The following ARHGAP24 variants were observed in gnomAD, a reference collection of about 807,000 sequenced individuals.
ARHGAP24 encodes rho GTPase-activating protein 24.
Under a neutral mutation model 76.4 loss-of-function variants are expected in ARHGAP24, and 50 were observed. The observed-to-expected ratio is 0.65, with a 90% CI of 0.52 to 0.83. The LOEUF (loss-of-function observed/expected upper bound fraction) is 0.83, where lower values mean the gene tolerates loss of function less well. ARHGAP24 is among the 40% of genes least tolerant of loss of function. ARHGAP24 has a pLI of 0.00. For missense variants in ARHGAP24, 930 were observed against 914.2 expected, an observed-to-expected ratio of 1.02 and a Z score of -0.22; for synonymous variants, 345 against 323.3, an observed-to-expected ratio of 1.07 and a Z score of -0.72.
chr4:85,948,767 G>A (rs1293708129), intron 5 of ARHGAP24, among the ~76,000 whole-genome samples: 1 of 152,130 alleles, frequency 6.6e-6, no homozygotes, highest in Non-Finnish European at 1.5e-5. Flanking sequence ...CTTAACAGGA[G>A]TGGTATACTC....
chr4:85,508,188 C>T (rs995235788), intron 1 of ARHGAP24, among the ~76,000 whole-genome samples: 2 of 151,902 alleles, frequency 1.3e-5, no homozygotes, highest in Middle Eastern at 3.2e-3. Context: ...ATTGCTCATG[C>T]AGTTTTTCCA....
intron 2 of ARHGAP24, 185 bp downstream of exon 2, chr4:85,570,906 C>A: frequency 1.6e-6 from 1 of 625,822 alleles, no homozygotes; most frequent in Non-Finnish European, 2.7e-6. Flanking sequence ...TAATTGAGGC[C>A]AAGAGGCAAA....
At chr4:85,910,943 C>T (rs571475801) in intron 3 of ARHGAP24, among the ~76,000 whole-genome samples, 26 of 152,274 alleles carry the variant, frequency 1.7e-4, no homozygotes, top group African/African-American at 6.3e-4. Context: ...CTCCCACTGG[C>T]TTTCATGGTG....
At chr4:85,613,219 A>G (rs1381984643) in intron 2 of ARHGAP24, among the ~76,000 whole-genome samples, 1 of 152,178 alleles carries the variant, frequency 6.6e-6, no homozygotes, top group East Asian at 1.9e-4. Context: ...TTAAAAGTTT[A>G]ATAAATATCA....
At chr4:85,504,480 T>C (rs1723956227) in intron 1 of ARHGAP24, among the ~76,000 whole-genome samples, 1 of 152,232 alleles carries the variant, frequency 6.6e-6, no homozygotes. Flanking sequence ...GTAATGGCCT[T>C]CTTTGTCTCT....
At chr4:85,846,949 G>A (rs1730927419) in intron 3 of ARHGAP24, among the ~76,000 whole-genome samples, 1 of 152,112 alleles carries the variant, frequency 6.6e-6, no homozygotes, top group Non-Finnish European at 1.5e-5. Context: ...GTATAATTCA[G>A]CCAAAATAAT....
chr4:85,794,707 T>G (rs1230803890), intron 3 of ARHGAP24, among the ~76,000 whole-genome samples: 2 of 152,236 alleles, frequency 1.3e-5, no homozygotes, highest in Non-Finnish European at 2.9e-5. Flanking sequence ...GGTCTTGAAC[T>G]CCTGACCTCG....
intron 1 of ARHGAP24, among the ~76,000 whole-genome samples, chr4:85,534,000 T>A (rs1385845804): frequency 1.3e-5 from 2 of 152,130 alleles, no homozygotes; most frequent in Non-Finnish European, 1.5e-5. Flanking sequence ...CATGAAAAGC[T>A]CAGCAGTTAG....
chr4:85,971,964 C>A (rs1234074527), intron 5 of ARHGAP24, 72 bp from the exon 6 acceptor site: 3 of 1,608,020 alleles, frequency 1.9e-6, no homozygotes, highest in Non-Finnish European at 2.6e-6. Context: ...GACTCCTGGG[C>A]TCTTGAAAAA....
At chr4:85,575,259 TG>T (rs2109966921) in intron 2 of ARHGAP24, among the ~76,000 whole-genome samples, 1 of 152,338 alleles carries the variant, frequency 6.6e-6, no homozygotes, top group Non-Finnish European at 1.5e-5. Context: ...TGATTTTGAT[TG>T]TTTTTATAAA....
intron 5 of ARHGAP24, among the ~76,000 whole-genome samples, chr4:85,942,773 A>G (rs906901983): frequency 2.6e-5 from 4 of 152,158 alleles, no homozygotes; most frequent in African/African-American, 9.7e-5. Flanking sequence ...TGGTGAAAAT[A>G]AAAGAATAAT....
At chr4:85,874,994 ATAT>A in intron 3 of ARHGAP24, among the ~76,000 whole-genome samples, 4 of 108,624 alleles carry the variant, frequency 3.7e-5, no homozygotes, top group African/African-American at 1.1e-4. Flanking sequence ...TTATATATAA[ATAT>A]ATATTTATAT....
At chr4:85,623,985 G>T (rs973828959) in intron 2 of ARHGAP24, among the ~76,000 whole-genome samples, 3 of 152,022 alleles carry the variant, frequency 2.0e-5, no homozygotes, top group African/African-American at 7.2e-5. Context: ...AGGAGATTTT[G>T]GGCTGAGACA....
At chr4:85,747,499 C>A (rs958228379) in intron 3 of ARHGAP24, among the ~76,000 whole-genome samples, 13 of 152,098 alleles carry the variant, frequency 8.5e-5, no homozygotes, top group Admixed American at 7.2e-4. Context: ...GTCAGGAGAT[C>A]GAGACCATCC....
intron 3 of ARHGAP24, among the ~76,000 whole-genome samples, chr4:85,830,375 C>T (rs1431896028): frequency 6.6e-6 from 1 of 152,154 alleles, no homozygotes; most frequent in Non-Finnish European, 1.5e-5. Context: ...GCAGCAAGGG[C>T]CACTGTGTCC....
chr4:85,695,180 G>A (rs531085089), intron 2 of ARHGAP24, among the ~76,000 whole-genome samples: 3 of 152,296 alleles, frequency 2.0e-5, no homozygotes, highest in African/African-American at 7.2e-5. Flanking sequence ...TCTGTGAAAA[G>A]TAAAGCAAAA....
intron 2 of ARHGAP24, among the ~76,000 whole-genome samples, chr4:85,685,741 G>A (rs892703698): frequency 6.6e-6 from 1 of 152,188 alleles, no homozygotes; most frequent in African/African-American, 2.4e-5. Context: ...TTTGTTACAA[G>A]AGCAGGTACT....
chr4:85,711,423 ATGT>A (rs1724523457), intron 2 of ARHGAP24, among the ~76,000 whole-genome samples: 1 of 152,150 alleles, frequency 6.6e-6, no homozygotes, highest in Non-Finnish European at 1.5e-5. Flanking sequence ...TTTGTGAAAT[ATGT>A]TGTTTTCTCT....
chr4:85,665,892 G>A, intron 2 of ARHGAP24, among the ~76,000 whole-genome samples: 1 of 152,200 alleles, frequency 6.6e-6, no homozygotes, highest in Non-Finnish European at 1.5e-5. Context: ...TCTGCTGTTA[G>A]TCTGATGGGC....
Sources: allele counts gnomAD v4.1 joint callset (sites outside exome capture counted in the v4.1 genomes callset), GRCh38; gene constraint gnomAD v4.1.1; transcripts MANE v1.5; gene names NCBI Gene and HGNC (gene_info 2026-07-23, HGNC 2026-07-21).